TPO: variants seen among roughly 807,000 people sequenced by gnomAD.
TPO encodes thyroid microsomal antigen.
Under a neutral mutation model 96.9 loss-of-function variants are expected in TPO, and 78 were observed. The ratio of observed to expected loss-of-function variants is 0.81; its 90% CI spans 0.67 to 0.97. The LOEUF is 0.97. Among genes scored for constraint, TPO ranks in the 50% least tolerant of loss-of-function variants. The pLI is 0.00. For missense variants in TPO, 1,252 were observed against 1,274.8 expected, an observed-to-expected ratio of 0.98 and a Z score of 0.27; for synonymous variants, 547 against 538.0, an observed-to-expected ratio of 1.02 and a Z score of -0.23.
chr2:1,422,881 G>A (rs1663912681), intron 2 of TPO, among the ~76,000 whole-genome samples, 164 bp from the exon 3 acceptor site: 1 of 152,216 alleles, frequency 6.6e-6, no homozygotes, highest in Non-Finnish European at 1.5e-5. Context: ...TAGCGGGGAA[G>A]TGAAGGCCTG....
intron 1 of TPO, among the ~76,000 whole-genome samples, chr2:1,390,536 A>T (rs574362606): frequency 3.9e-4 from 60 of 152,246 alleles, no homozygotes; most frequent in Middle Eastern, 3.4e-3. Flanking sequence ...ATCCTTTGGG[A>T]ATATACCCAG....
At chr2:1,393,279 T>C (rs1320635519) in intron 1 of TPO, among the ~76,000 whole-genome samples, 1 of 152,186 alleles carries the variant, frequency 6.6e-6, no homozygotes, top group African/African-American at 2.4e-5. Flanking sequence ...TCATTCACTA[T>C]GAGGAGGATG....
intron 10 of TPO, among the ~76,000 whole-genome samples, chr2:1,493,507 C>T (rs370086254): frequency 1.1e-5 from 1 of 88,986 alleles, no homozygotes; most frequent in Admixed American, 1.3e-4. Flanking sequence ...GCTGGAATAT[C>T]CTAGCCTGGC....
intron 13 of TPO, among the ~76,000 whole-genome samples, chr2:1,498,999 A>G (rs1197050167): frequency 6.6e-6 from 1 of 152,176 alleles, no homozygotes. Context: ...CCTATGGTGC[A>G]CTTCACTGTA....
At chr2:1,519,159 C>T (rs1674996517) in intron 15 of TPO, among the ~76,000 whole-genome samples, 1 of 152,198 alleles carries the variant, frequency 6.6e-6, no homozygotes, top group African/African-American at 2.4e-5. Context: ...CTCCTGCCTC[C>T]AGAGCTCTAG....
chr2:1,524,140 T>G (rs1228696336), intron 15 of TPO, among the ~76,000 whole-genome samples: 3 of 122,208 alleles, frequency 2.5e-5, no homozygotes, highest in African/African-American at 9.6e-5. Context: ...CCCAACTCTG[T>G]GCAACCTCCC....
chr2:1,455,074 A>C (rs6711901), intron 6 of TPO, among the ~76,000 whole-genome samples: 141,419 of 152,220 alleles, frequency 0.93, 65,766 homozygotes, highest in South Asian at 0.98. Flanking sequence ...GGCTCATGGC[A>C]CCTCCTTCCA....
chr2:1,503,804 C>A, intron 13 of TPO, 144 bp from the exon 14 acceptor site: 5 of 1,466,660 alleles, frequency 3.4e-6, no homozygotes, highest in Non-Finnish European at 4.7e-6. Flanking sequence ...GAGCAGGGGG[C>A]GGCCGGTTCC....
chr2:1,457,675 TA>T (rs1327831306), intron 7 of TPO, among the ~76,000 whole-genome samples: 1 of 151,516 alleles, frequency 6.6e-6, no homozygotes, highest in African/African-American at 2.4e-5. Flanking sequence ...ATATAGCATA[TA>T]TGATAGTGTG....
At chr2:1,517,622 C>G (rs1019121019) in intron 15 of TPO, among the ~76,000 whole-genome samples, 1 of 110,236 alleles carries the variant, frequency 9.1e-6, no homozygotes, top group Admixed American at 9.1e-5. Context: ...GCTGCTGCCT[C>G]TCACCTTGCT....
chr2:1,501,418 C>CTGA lies in TPO; in HGVS notation c.2387-2530_2387-2529insTGA, dbSNP rs1672861883. Among the ~76,000 whole-genome samples the CTGA allele has an allele frequency of 9.8e-5, 15 of 152,324 alleles. No homozygotes were observed. In the South Asian group the frequency reaches 3.1e-3, roughly 32 times the overall value. On this transcript the variant is annotated intron_variant, in intron 13 of 16. Coordinates refer to ENST00000329066, the MANE Select transcript of TPO (RefSeq NM_001206744.2). ...TGCTCTTCAGACAAGGCCGATTTGT[C>CTGA]CCCCTCCTTCCTGTCCATCCTGGGA...
chr2:1,488,009 C>G lies in TPO; in HGVS notation c.1768+18C>G, dbSNP rs1671340190. 1 of 1,612,274 alleles carries G rather than the reference C, an allele frequency of 6.2e-7. No individual in the cohort carries two copies. The highest frequency in any genetic ancestry group is 8.5e-7 in the Non-Finnish European group (1 of 1,180,026). On this transcript the variant is annotated intron_variant, in intron 10 of 16. Coordinates refer to ENST00000329066, the MANE Select transcript of TPO (RefSeq NM_001206744.2). The stretch of plus-strand genomic sequence containing the variant: ...GCTGCCAGGTCTGCCAGTTCCTTCC[C>G]TTGCACACCTCATGCAGCTGCTGCG...
chr2:1,456,019 T>C, intron 6 of TPO, 57 bp from the exon 7 acceptor site: 3 of 1,554,260 alleles, frequency 1.9e-6, no homozygotes, highest in Admixed American at 1.8e-5. Flanking sequence ...CAAAGGGTCA[T>C]CTTTCTGCTA....
Position 1,543,423 on chromosome 2 carries a change from C to A in TPO, c.*949C>A, listed in dbSNP as rs1680936199. On this transcript the variant is annotated 3_prime_UTR_variant, in exon 17 of 17. Coordinates refer to ENST00000329066, the MANE Select transcript of TPO (RefSeq NM_001206744.2). ...GATAAAACAGACCATCGAGGCAGCACTGAATGATCTCACCCACGAATGACA... is the reference window on the plus strand; with the variant it reads ...GATAAAACAGACCATCGAGGCAGCAATGAATGATCTCACCCACGAATGACA... 6.6e-6 allele frequency: 1 copy of A among 152,192 alleles called. No homozygotes were observed. The highest frequency in any genetic ancestry group is 2.4e-5 in the African/African-American group (1 of 41,440). The allele number at this position is 152,192 out of a possible 1,614,324, so 9.4% of individuals were successfully genotyped here. A position where few individuals can be genotyped will look rare whatever the true frequency, so the allele number is the denominator to read the frequency against.
chr2:1,459,438 C>A lies in TPO; in HGVS notation c.819+3156C>A, dbSNP rs570925818. On this transcript the variant is annotated intron_variant, in intron 7 of 16. Transcript: ENST00000329066. The stretch of plus-strand genomic sequence containing the variant: ...GTGCTGGGATTACAGGTGTGAGCCA[C>A]CGTGCTCAGCCAACAAGGGACATTT... Among the ~76,000 whole-genome samples, 284 of 152,132 alleles carry A rather than the reference C, an allele frequency of 1.9e-3. 1 individual carries two copies. The Middle Eastern group carries it at 0.034, about 18-fold the overall frequency.
At chr2:1,439,540 G>A (rs1479100669) in intron 5 of TPO, 1 of 152,006 alleles carries the variant, frequency 6.6e-6, no homozygotes, top group East Asian at 1.9e-4. Flanking sequence ...GCCCAATTGT[G>A]ATAAAAATAG....
At chr2:1,450,512 G>T (rs1281855906) in intron 5 of TPO, among the ~76,000 whole-genome samples, 1 of 152,068 alleles carries the variant, frequency 6.6e-6, no homozygotes, top group Admixed American at 6.5e-5. Context: ...TTTTTCCAAT[G>T]CTGCCATTAA....
chr2:1,474,641 G>A (rs943926995), intron 7 of TPO, among the ~76,000 whole-genome samples: 5 of 152,122 alleles, frequency 3.3e-5, no homozygotes, highest in Non-Finnish European at 7.4e-5. Context: ...ATTTCTTCTT[G>A]GAAAAGCTGT....
intron 5 of TPO, among the ~76,000 whole-genome samples, chr2:1,450,640 C>A (rs922098977): frequency 6.6e-6 from 1 of 152,118 alleles, no homozygotes; most frequent in Non-Finnish European, 1.5e-5. Context: ...ACCTGCTGAC[C>A]GTGAAGGTCA....
Sources: allele counts gnomAD v4.1 joint callset (sites outside exome capture counted in the v4.1 genomes callset), GRCh38; gene constraint gnomAD v4.1.1; transcripts MANE v1.5; gene names NCBI Gene and HGNC (gene_info 2026-07-23, HGNC 2026-07-21).